RGS12: variants seen among roughly 807,000 people sequenced by gnomAD.
RGS12 encodes regulator of G protein signaling 12, also known as regulator of G-protein signaling 12.
RGS12 carries 66 observed loss-of-function variants against 120.1 expected under a neutral mutation model. The observed-to-expected ratio is 0.55, with a 90% CI of 0.45 to 0.67. RGS12 has a LOEUF of 0.67. RGS12 is among the 30% of genes least tolerant of loss of function. The pLI, the probability that RGS12 is intolerant of heterozygous loss-of-function variation, is 0.00. For synonymous variants in RGS12, 827 were observed against 804.7 expected, an observed-to-expected ratio of 1.03 and a Z score of -0.47; for missense variants, 1,859 against 1,957.7, an observed-to-expected ratio of 0.95 and a Z score of 0.95.
At chr4:3,354,030 G>A (rs916130760) in intron 3 of RGS12, among the ~76,000 whole-genome samples, 4 of 152,284 alleles carry the variant, frequency 2.6e-5, no homozygotes, top group South Asian at 2.1e-4. Context: ...CTGTTCTGGC[G>A]TTCCTTTAAT....
In RGS12 at chr4:3,327,624, C is replaced by A. The variant is rs192568125; in HGVS notation, c.1881+9573C>A. Among the ~76,000 whole-genome samples, 297 of 152,288 alleles carry A rather than the reference C, an allele frequency of 2.0e-3. 1 individual carries two copies. Among genetic ancestry groups the A allele is most frequent in the African/African-American group, 7.0e-3 (290 of 41,560 alleles). On this transcript the variant is annotated intron_variant, in intron 2 of 17. Transcript: ENST00000336727. Reference sequence around the variant, plus strand: ...AAAGTGGGCAAAGGATACGAATAGACATTTTTCAAAAGAAGATATACAAAC... The same window carrying A: ...AAAGTGGGCAAAGGATACGAATAGAAATTTTTCAAAAGAAGATATACAAAC...
intron 6 of RGS12, among the ~76,000 whole-genome samples, chr4:3,415,756 G>A (rs556586762): frequency 1.3e-5 from 2 of 152,358 alleles, no homozygotes; most frequent in African/African-American, 4.8e-5. Flanking sequence ...AGCATCGCCC[G>A]GGTCTTTGGG....
the RGS12 span, among the ~76,000 whole-genome samples, chr4:3,286,666 G>C: frequency 2.0e-5 from 3 of 152,222 alleles, no homozygotes; most frequent in Non-Finnish European, 4.4e-5. Context: ...ATGAGGGTCA[G>C]GGGCAGGAAA....
intron 3 of RGS12, among the ~76,000 whole-genome samples, chr4:3,371,669 G>A (rs946445856): frequency 7.2e-5 from 11 of 152,320 alleles, no homozygotes; most frequent in Admixed American, 3.9e-4. Flanking sequence ...GGCACAGCGG[G>A]TGGGTGGGCG....
intron 17 of RGS12, among the ~76,000 whole-genome samples, chr4:3,434,578 C>T (rs1399312702): frequency 6.6e-6 from 1 of 152,204 alleles, no homozygotes; most frequent in Non-Finnish European, 1.5e-5. Flanking sequence ...CCCTCCAGCA[C>T]TGCTGTGTCC....
intron 3 of RGS12, among the ~76,000 whole-genome samples, chr4:3,363,775 C>T (rs1715985964): frequency 6.6e-6 from 1 of 152,126 alleles, no homozygotes; most frequent in Non-Finnish European, 1.5e-5. Context: ...GTGGGGTCAC[C>T]AGAGTGAAGG....
chr4:3,426,855 C>T (rs1723712056), intron 14 of RGS12: 1 of 152,174 alleles, frequency 6.6e-6, no homozygotes, highest in Non-Finnish European at 1.5e-5. Flanking sequence ...AAAGAGCTTT[C>T]TGGAAACCCA....
chr4:3,404,058 C>G (rs999919887), intron 4 of RGS12, among the ~76,000 whole-genome samples: 4 of 152,230 alleles, frequency 2.6e-5, no homozygotes, highest in Non-Finnish European at 5.9e-5. Context: ...TAAACCTGGC[C>G]TTCCAGGTTG....
At chr4:3,360,471 T>C (rs1715449138) in intron 3 of RGS12, among the ~76,000 whole-genome samples, 1 of 152,162 alleles carries the variant, frequency 6.6e-6, no homozygotes, top group Admixed American at 6.5e-5. Flanking sequence ...AATTGTTGAT[T>C]TGAGATCTTT....
intron 3 of RGS12, among the ~76,000 whole-genome samples, chr4:3,371,040 CT>C (rs1716927877): frequency 6.6e-6 from 1 of 152,162 alleles, no homozygotes; most frequent in African/African-American, 2.4e-5. Flanking sequence ...TTAAAGTCTT[CT>C]GTAGAGAAGC....
intron 2 of RGS12, among the ~76,000 whole-genome samples, chr4:3,321,786 C>T (rs183019335): frequency 5.3e-4 from 80 of 152,336 alleles, no homozygotes; most frequent in Admixed American, 2.4e-3. Context: ...CCCCTGCTGA[C>T]GGTGTCCTTG....
At chr4:3,289,475 A>C (rs564389577), upstream of RGS12, among the ~76,000 whole-genome samples, 1 of 152,186 alleles carries the variant, frequency 6.6e-6, no homozygotes, top group Admixed American at 6.5e-5. Context: ...AAGAGCTGGG[A>C]TTACAGGCAT....
In RGS12 at chr4:3,395,596, C is replaced by G. The variant is rs552038682; in HGVS notation, c.2020+9159C>G. 2.6e-5 allele frequency among the ~76,000 whole-genome samples: 4 copies of G among 152,342 alleles called. No individual in the cohort carries two copies. In the East Asian group the frequency reaches 7.7e-4, roughly 29 times the overall value. ...GAATTCTAGGTGTTCAACATCCTCTCAACACTTTCCCTGTAGCCACATACA... is the reference window on the plus strand; with the variant it reads ...GAATTCTAGGTGTTCAACATCCTCTGAACACTTTCCCTGTAGCCACATACA... On this transcript the variant is annotated intron_variant, in intron 4 of 17. Transcript: ENST00000336727.
At chr4:3,384,009 C>G (rs1327042555) in intron 3 of RGS12, among the ~76,000 whole-genome samples, 1 of 152,190 alleles carries the variant, frequency 6.6e-6, no homozygotes, top group African/African-American at 2.4e-5. Context: ...TACTCATGAG[C>G]GTGACATGAA....
chr4:3,376,975 G>A (rs1717768020), intron 3 of RGS12, among the ~76,000 whole-genome samples: 1 of 151,882 alleles, frequency 6.6e-6, no homozygotes, highest in South Asian at 2.1e-4. Context: ...ATTTTAAAAG[G>A]TAAAGCATAT....
intron 3 of RGS12, among the ~76,000 whole-genome samples, chr4:3,350,515 C>G (rs1714252231): frequency 6.6e-6 from 1 of 151,910 alleles, no homozygotes; most frequent in South Asian, 2.1e-4. Flanking sequence ...GATCCCATCT[C>G]TACAAAAAAT....
intron 1 of RGS12, among the ~76,000 whole-genome samples, chr4:3,294,995 G>A (rs1363761080): frequency 6.6e-6 from 1 of 152,152 alleles, no homozygotes; most frequent in African/African-American, 2.4e-5. Flanking sequence ...GTGGGAGGGA[G>A]GCACTCGACA....
At chr4:3,404,516 C>T (rs1720911954) in intron 4 of RGS12, among the ~76,000 whole-genome samples, 1 of 152,166 alleles carries the variant, frequency 6.6e-6, no homozygotes, top group African/African-American at 2.4e-5. Context: ...CTGTTTGTGC[C>T]AGGCTTGAGC....
chr4:3,382,956 GA>G (rs1718422474), intron 3 of RGS12, among the ~76,000 whole-genome samples: 1 of 152,104 alleles, frequency 6.6e-6, no homozygotes, highest in Non-Finnish European at 1.5e-5. Flanking sequence ...TGTCTCTGCT[GA>G]TACCCACTCA....
Sources: gnomAD v4.1 joint callset for allele counts (sites outside exome capture counted in the v4.1 genomes callset) on GRCh38, gnomAD v4.1.1 for gene constraint, MANE v1.5 for transcripts, NCBI Gene and HGNC (gene_info 2026-07-23, HGNC 2026-07-21) for gene names.